Variants in ESR2 observed in about 807,000 individuals in gnomAD.
ESR2 encodes the protein estrogen receptor beta.
ESR2 carries 36 observed loss-of-function variants against 49.6 expected under a neutral mutation model. The ratio of observed to expected loss-of-function variants is 0.73; its 90% CI spans 0.56 to 0.96. The LOEUF is 0.96. ESR2 is among the 40% of genes least tolerant of loss of function. The pLI, the probability that ESR2 is intolerant of heterozygous loss-of-function variation, is 0.00. For missense variants in ESR2, 714 were observed against 693.0 expected, an observed-to-expected ratio of 1.03 and a Z score of -0.34; for synonymous variants, 320 against 266.1, an observed-to-expected ratio of 1.20 and a Z score of -1.97.
At chr14:64,305,662 C>T (rs1008468519) in intron 1 of ESR2, among the ~76,000 whole-genome samples, 1 of 151,762 alleles carries the variant, frequency 6.6e-6, no homozygotes, top group African/African-American at 2.4e-5. Flanking sequence ...CACAGCGAGA[C>T]TCTGTCTCAA....
At chr14:64,287,394 A>G (rs541601093) in intron 1 of ESR2, among the ~76,000 whole-genome samples, 2 of 152,370 alleles carry the variant, frequency 1.3e-5, no homozygotes, top group African/African-American at 4.8e-5. Context: ...TCACATCTCA[A>G]CATATCACCA....
chr14:64,289,024 C>G (rs948705484), intron 1 of ESR2, among the ~76,000 whole-genome samples: 2 of 151,170 alleles, frequency 1.3e-5, no homozygotes, highest in African/African-American at 4.9e-5. Flanking sequence ...CACCATCAAG[C>G]CTGTTCTTAT....
chr14:64,275,580 G>A (rs918276032), intron 3 of ESR2, among the ~76,000 whole-genome samples: 10 of 152,046 alleles, frequency 6.6e-5, no homozygotes, highest in African/African-American at 2.4e-4. Context: ...GTGGGTGTCT[G>A]TAATCCCAGC....
intron 1 of ESR2, among the ~76,000 whole-genome samples, chr14:64,312,770 A>G (rs1245525140): frequency 1.3e-5 from 2 of 152,090 alleles, no homozygotes; most frequent in East Asian, 3.8e-4. Flanking sequence ...TTATCCAGGC[A>G]TGGTGGTGCA....
intron 2 of ESR2, among the ~76,000 whole-genome samples, chr14:64,281,934 A>G (rs2076678965): frequency 6.6e-6 from 1 of 152,242 alleles, no homozygotes. Context: ...AGTTACTTTT[A>G]TCCTGGAAAC....
At chr14:64,240,781 T>C (rs1056513531) in intron 7 of ESR2, among the ~76,000 whole-genome samples, 6 of 152,192 alleles carry the variant, frequency 3.9e-5, no homozygotes, top group African/African-American at 1.2e-4. Context: ...TACTGTATTA[T>C]AAAATAGGCT....
intron 1 of ESR2, among the ~76,000 whole-genome samples, chr14:64,325,262 T>C (rs2077374613): frequency 6.6e-6 from 1 of 152,220 alleles, no homozygotes; most frequent in Non-Finnish European, 1.5e-5. Context: ...CCTGTCCTTT[T>C]ATGCAGCTCT....
At chr14:64,248,562 T>C (rs1451752263) in intron 7 of ESR2, among the ~76,000 whole-genome samples, 3 of 151,042 alleles carry the variant, frequency 2.0e-5, no homozygotes, top group Non-Finnish European at 4.4e-5. Flanking sequence ...ACCAAAGTTA[T>C]GGTGGTTATT....
intron 5 of ESR2, among the ~76,000 whole-genome samples, chr14:64,258,475 C>T (rs1001329675): frequency 6.6e-6 from 1 of 152,184 alleles, no homozygotes; most frequent in Non-Finnish European, 1.5e-5. Flanking sequence ...CAGCCTCTTT[C>T]TAGCTGTTCA....
downstream of ESR2, chr14:64,227,731 A>C: frequency 6.4e-7 from 1 of 1,567,478 alleles, no homozygotes; most frequent in Non-Finnish European, 8.6e-7. Context: ...AGGGCCTTTA[A>C]GCTGGTTTGC....
downstream of ESR2, chr14:64,227,914 T>C (rs778893833): frequency 5.0e-6 from 8 of 1,597,740 alleles, no homozygotes; most frequent in African/African-American, 4.0e-5. Context: ...AATGAATGAA[T>C]TGCTTTTCTC....
intron 1 of ESR2, among the ~76,000 whole-genome samples, chr14:64,305,181 C>T (rs955682877): frequency 1.3e-5 from 2 of 150,344 alleles, no homozygotes; most frequent in Admixed American, 1.3e-4. Flanking sequence ...GTCCCAGCTA[C>T]TCTGGAGGCT....
intron 1 of ESR2, chr14:64,335,796 C>CTTTTTTTTTTTTTTTTTTTTT (rs1567810241): frequency 6.9e-6 from 1 of 144,650 alleles, no homozygotes; most frequent in Admixed American, 7.5e-5. Context: ...GTGATAAACA[C>CTTTTTTTTTTTTTTTTTTTTT]CTTTTTTTTT....
At chr14:64,245,533 AAAAG>A (rs1425075249) in intron 7 of ESR2, among the ~76,000 whole-genome samples, 4 of 151,470 alleles carry the variant, frequency 2.6e-5, no homozygotes, top group African/African-American at 9.7e-5. Flanking sequence ...AAAAAAAAAA[AAAAG>A]ATTTCTTAAA....
intron 1 of ESR2, among the ~76,000 whole-genome samples, chr14:64,321,073 G>A (rs2077319508): frequency 6.6e-6 from 1 of 151,616 alleles, no homozygotes; most frequent in South Asian, 2.1e-4. Flanking sequence ...TTTTTAATGT[G>A]GCATATCCAC....
chr14:64,302,182 TTATTTA>T (rs1186232203), intron 1 of ESR2, among the ~76,000 whole-genome samples: 21 of 149,588 alleles, frequency 1.4e-4, no homozygotes, highest in African/African-American at 4.4e-4. Context: ...ATTTATTTAT[TTATTTA>T]TTTATTTATT....
chr14:64,273,327 G>A (rs2076487018), intron 3 of ESR2, among the ~76,000 whole-genome samples: 1 of 151,972 alleles, frequency 6.6e-6, no homozygotes, highest in South Asian at 2.1e-4. Flanking sequence ...GATTGCTCTA[G>A]CTAGGACTTC....
At chr14:64,310,473 CTT>C (rs749049320) in intron 1 of ESR2, among the ~76,000 whole-genome samples, 35 of 135,528 alleles carry the variant, frequency 2.6e-4, no homozygotes, top group Admixed American at 2.2e-4. Context: ...TGCCGGAGAA[CTT>C]TTTTTTTTTT....
At chr14:64,299,746 G>T (rs2077001779) in intron 1 of ESR2, among the ~76,000 whole-genome samples, 1 of 152,128 alleles carries the variant, frequency 6.6e-6, no homozygotes, top group Non-Finnish European at 1.5e-5. Flanking sequence ...TTGATCTGAT[G>T]AACCTAACCA....
Sources: allele counts gnomAD v4.1 joint callset (sites outside exome capture counted in the v4.1 genomes callset), GRCh38; gene constraint gnomAD v4.1.1; transcripts MANE v1.5; gene names NCBI Gene and HGNC (gene_info 2026-07-23, HGNC 2026-07-21).